The following FAM76B variants were observed in gnomAD, a reference collection of about 807,000 sequenced individuals.
FAM76B encodes protein FAM76B.
FAM76B carries 16 observed loss-of-function variants against 51.8 expected under a neutral mutation model. That is an observed-to-expected ratio of 0.31 (90% confidence interval 0.21 to 0.47). The LOEUF (loss-of-function observed/expected upper bound fraction) is 0.47. FAM76B is among the 20% of genes least tolerant of loss of function. FAM76B has a pLI of 1.00. For synonymous variants in FAM76B, 166 were observed against 129.5 expected (o/e 1.28, Z -1.91); for missense variants, 342 against 392.6 (o/e 0.87, Z 1.09).
At chr11:95,788,442 G>A in intron 2 of FAM76B, 57 bp downstream of exon 2, 1 of 1,335,400 alleles carries the variant, frequency 7.5e-7, no homozygotes, top group African/African-American at 1.5e-5. Context: ...CAACCCCCAA[G>A]TATTCCATAA....
chr11:95,783,050 T>G lies in FAM76B; in HGVS notation c.563+15A>C. On this transcript the variant is annotated intron_variant, in intron 5 of 9. Transcript: ENST00000358780. ...CAAGGAAGAGTTTTAGAAAATATGA[T>G]TTCAAAGTACTTACTTGTGATGGCT... The G allele has an allele frequency of 6.2e-7, 1 of 1,611,246 alleles. No homozygotes were observed. The highest frequency in any genetic ancestry group is 8.5e-7 in the Non-Finnish European group (1 of 1,178,610).
intron 4 of FAM76B, among the ~76,000 whole-genome samples, chr11:95,784,558 G>A (rs867548460): frequency 1.7e-4 from 26 of 149,022 alleles, no homozygotes; most frequent in African/African-American, 6.6e-4. Context: ...TCGACAGTGT[G>A]TGTGTGTATA....
chr11:95,780,088 C>A (rs1185442911), intron 5 of FAM76B, among the ~76,000 whole-genome samples, 162 bp from the exon 6 acceptor site: 1 of 151,732 alleles, frequency 6.6e-6, no homozygotes, highest in Non-Finnish European at 1.5e-5. Context: ...TTGAATAAAT[C>A]ACATTCTGAT....
chr11:95,773,010 A>T (rs2120180169), intron 9 of FAM76B, among the ~76,000 whole-genome samples: 1 of 151,312 alleles, frequency 6.6e-6, no homozygotes, highest in South Asian at 2.1e-4. Context: ...ATCAATTTCA[A>T]ATTTTGAGTC....
At chr11:95,787,594 CAAT>C (rs1860671957) in intron 3 of FAM76B, 27 bp downstream of exon 3, 1 of 1,598,150 alleles carries the variant, frequency 6.3e-7, no homozygotes, top group Non-Finnish European at 8.6e-7. Flanking sequence ...TAACTGGTAA[CAAT>C]GACATGAAAA....
At chr11:95,784,680 C>T (rs1246069973) in intron 4 of FAM76B, among the ~76,000 whole-genome samples, 6 of 151,888 alleles carry the variant, frequency 4.0e-5, no homozygotes, top group South Asian at 2.1e-4. Flanking sequence ...CTCCGCCTCC[C>T]GGGTTCACGC....
intron 5 of FAM76B, among the ~76,000 whole-genome samples, chr11:95,780,806 T>A (rs1265579801): frequency 6.6e-6 from 1 of 152,042 alleles, no homozygotes; most frequent in African/African-American, 2.4e-5. Flanking sequence ...CTTATACTGA[T>A]ATGAGCATTA....
chr11:95,771,701 G>T, intron 9 of FAM76B, 51 bp from the exon 10 acceptor site: 1 of 1,421,734 alleles, frequency 7.0e-7, no homozygotes, highest in Non-Finnish European at 9.9e-7. Flanking sequence ...ATATTATTAA[G>T]TCATGCTGAA....
rs192568707 is a variant in FAM76B, at chr11:95,787,432, G to C, written c.207+192C>G. ...TTTTGTTGTATTTTTAGTAGACATGGGGTTTCACCGTGTTAGCCAGGATGG... is the reference window on the plus strand; with the variant it reads ...TTTTGTTGTATTTTTAGTAGACATGCGGTTTCACCGTGTTAGCCAGGATGG... On this transcript the variant is annotated intron_variant, in intron 3 of 9. Coordinates refer to ENST00000358780, the MANE Select transcript of FAM76B (RefSeq NM_144664.5). Among the ~76,000 whole-genome samples the C allele has an allele frequency of 3.4e-3, 516 of 152,186 alleles. 5 individuals are homozygous for C. The highest frequency in any genetic ancestry group is 0.012 in the African/African-American group (489 of 41,512).
In FAM76B at chr11:95,789,573, C is replaced by T. The variant is rs928761136; in HGVS notation, c.-95G>A. The T allele has an allele frequency of 7.4e-6, 8 of 1,083,240 alleles. No individual in the cohort carries two copies. The highest frequency in any genetic ancestry group is 2.9e-5 in the East Asian group (1 of 35,070). 67.1% of individuals were successfully genotyped at this position (1,083,240 alleles called of 1,614,324 possible). A position where few individuals can be genotyped will look rare whatever the true frequency, so the allele number is the denominator to read the frequency against. On this transcript the variant is annotated 5_prime_UTR_variant, in exon 1 of 10. Coordinates refer to ENST00000358780, the MANE Select transcript of FAM76B (RefSeq NM_144664.5). ...GCCGCCGCCCGGGCCGCGGGCTCCT[C>T]CTCCTCCCCCTCCCCCTGCCTCGCG...
intron 2 of FAM76B, 64 bp downstream of exon 2, chr11:95,788,435 C>T (rs928118840): frequency 1.6e-6 from 2 of 1,279,850 alleles, no homozygotes; most frequent in Admixed American, 3.7e-5. Flanking sequence ...GGGATTACAA[C>T]CCCCAAGTAT....
At chr11:95,788,678 C>A (rs886905005) in intron 1 of FAM76B, 115 bp from the exon 2 acceptor site, 6 of 1,252,236 alleles carry the variant, frequency 4.8e-6, no homozygotes, top group African/African-American at 1.5e-5. Flanking sequence ...TAAAACCTGG[C>A]CCCAACGTAA....
intron 7 of FAM76B, chr11:95,779,398 T>C: frequency 1.7e-6 from 1 of 572,428 alleles, no homozygotes; most frequent in South Asian, 2.6e-5. Context: ...CAAATTTATT[T>C]CCCAAATAGA....
rs939220618 is a variant in FAM76B, at chr11:95,789,440, G to A, written c.39C>T (p.Thr13=). 5.0e-6 allele frequency: 8 copies of A among 1,609,764 alleles called. No homozygotes were observed. The Admixed American group carries it at 1.2e-4, about 24-fold the overall frequency. ...ASALYACTKC[T]QRYPFEELSQ... ...AGAGCTCCTCGAAAGGATAACGCTG[G>A]GTACACTTGGTGCAGGCGTACAGGG... is the stretch of plus-strand genomic sequence containing the variant. The change falls in exon 1 of 10, where the codon ACC becomes ACT. Residue 13 remains threonine (T), a synonymous_variant. Coordinates refer to ENST00000358780, the MANE Select transcript of FAM76B (RefSeq NM_144664.5).
chr11:95,783,158 G>C lies in FAM76B; in HGVS notation c.470C>G (p.Ser157Cys), dbSNP rs1860367418. ...KSLGSSHSNS[S>C]SSSLTEKDQH... ...GTCTTTCTCAGTAAGAGATGAAGAA[G>C]ATGAATTTGAATGTGAAGATCCCAG... Residue 157 changes from serine to cysteine, a missense_variant, in exon 5 of 10, where the codon TCT (serine) becomes TGT (cysteine). Transcript: ENST00000358780. 6.2e-7 allele frequency: 1 copy of C among 1,613,694 alleles called. No individual in the cohort carries two copies. Among genetic ancestry groups the C allele is most frequent in the Non-Finnish European group, 8.5e-7 (1 of 1,179,718 alleles).
chr11:95,789,254 C>A (rs1050288599), intron 1 of FAM76B, 138 bp downstream of exon 1: 3 of 1,033,138 alleles, frequency 2.9e-6, no homozygotes, highest in Non-Finnish European at 4.2e-6. Flanking sequence ...AAAGGGGTCC[C>A]CGAGTGGGGA....
At chr11:95,785,981 C>T (rs1423345352) in intron 4 of FAM76B, 138 bp downstream of exon 4, 42 of 987,682 alleles carry the variant, frequency 4.3e-5, no homozygotes, top group Admixed American at 5.5e-5. Context: ...ACTCACTATT[C>T]CTGCACTTTC....
Position 95,769,599 on chromosome 11 carries a change from C to G in FAM76B, c.*1962G>C, listed in dbSNP as rs1441393685. The G allele has an allele frequency of 6.6e-6, 1 of 151,684 alleles. No homozygotes were observed. Among genetic ancestry groups the G allele is most frequent in the Non-Finnish European group, 1.5e-5 (1 of 67,684 alleles). The allele number at this position is 151,684 out of a possible 1,614,324, so 9.4% of individuals were successfully genotyped here. On this transcript the variant is annotated 3_prime_UTR_variant, in exon 10 of 10. Transcript: ENST00000358780. The stretch of plus-strand genomic sequence containing the variant: ...TTCTCCAACAAGGTGTAAGAACTAT[C>G]AAAAAGTAAAACCATAATGACCACT...
At chr11:95,779,221 C>T (rs1860144050) in intron 7 of FAM76B, 1 of 1,266,772 alleles carries the variant, frequency 7.9e-7, no homozygotes, top group Non-Finnish European at 1.1e-6. Context: ...ACAGTAACAT[C>T]AGCAAACTTT....
Sources: gnomAD v4.1 joint callset for allele counts (sites outside exome capture counted in the v4.1 genomes callset) on GRCh38, gnomAD v4.1.1 for gene constraint, MANE v1.5 for transcripts, NCBI Gene and HGNC (gene_info 2026-07-23, HGNC 2026-07-21) for gene names.